The following AMZ1 variants were observed in gnomAD, a reference collection of about 807,000 sequenced individuals.
The protein encoded by AMZ1 is archaelysin family metallopeptidase 1.
AMZ1 carries 39 observed loss-of-function variants against 29.9 expected under a neutral mutation model. The ratio of observed to expected loss-of-function variants is 1.30; its 90% CI spans 1.01 to 1.70. The LOEUF (loss-of-function observed/expected upper bound fraction) is 1.70. Among genes scored for constraint, AMZ1 ranks in the 40% most tolerant of loss-of-function variants. The pLI is 0.00. For synonymous variants in AMZ1, 458 were observed against 304.0 expected (o/e 1.51, Z -5.27); for missense variants, 1,041 against 680.6 (o/e 1.53, Z -5.89).
At chr7:2,720,783 C>G (rs1402082902), downstream of AMZ1, among the ~76,000 whole-genome samples, 3 of 152,188 alleles carry the variant, frequency 2.0e-5, no homozygotes, top group Non-Finnish European at 2.9e-5. Flanking sequence ...TCAAGCGACT[C>G]TCCTGCCTCA....
upstream of AMZ1, among the ~76,000 whole-genome samples, chr7:2,683,794 TG>T (rs1786972650): frequency 6.6e-6 from 1 of 152,008 alleles, no homozygotes; most frequent in Non-Finnish European, 1.5e-5. Flanking sequence ...CTCCAACTCC[TG>T]GGCTCAAGTG....
Position 2,749,212 on chromosome 7 carries a change from G to A in AMZ1, n.551-15500G>A, listed in dbSNP as rs933468340. Among the ~76,000 whole-genome samples the A allele has an allele frequency of 5.9e-5, 9 of 152,050 alleles. 1 individual carries two copies. Among genetic ancestry groups the A allele is most frequent in the Admixed American group, 4.6e-4 (7 of 15,274 alleles). On this transcript the variant is annotated intron_variant and non_coding_transcript_variant, in intron 4 of 4. Coordinates refer to the AMZ1 transcript ENST00000489665. Reference sequence around the variant, plus strand: ...TGCTGCTATAAAGACACATGCACACGTGTGTTTATTGCGGCACTATTCACA... The same window carrying A: ...TGCTGCTATAAAGACACATGCACACATGTGTTTATTGCGGCACTATTCACA...
intron 4 of AMZ1, among the ~76,000 whole-genome samples, chr7:2,734,076 G>A (rs139519464): frequency 3.9e-5 from 6 of 152,330 alleles, no homozygotes; most frequent in Middle Eastern, 3.4e-3. Context: ...TTGGATTGTT[G>A]TGGTGGAATG....
chr7:2,748,837 A>C (rs550953394), intron 4 of AMZ1, among the ~76,000 whole-genome samples: 2 of 152,214 alleles, frequency 1.3e-5, no homozygotes, highest in Non-Finnish European at 2.9e-5. Context: ...AACCCCATCA[A>C]AAAGTGGGCA....
chr7:2,710,891 G>A (rs775103224), intron 6 of AMZ1, among the ~76,000 whole-genome samples: 46 of 152,350 alleles, frequency 3.0e-4, no homozygotes, highest in South Asian at 8.3e-4. Context: ...GCTGTGCCCC[G>A]TCAAGGGGCA....
In AMZ1 at chr7:2,718,774, G is replaced by A. The variant is rs147879804; in HGVS notation, c.*5896G>A. Among the ~76,000 whole-genome samples, 54 of 152,304 alleles carry A rather than the reference G, an allele frequency of 3.5e-4. 2 individuals carry two copies. The East Asian group carries it at 6.0e-3, about 17-fold the overall frequency. ...AGGGAGAAGCGGGCAGGCCAGGGCC[G>A]AGCTGCGTCCGGCTCTCAGGGACTT... On this transcript the variant is annotated 3_prime_UTR_variant, in exon 7 of 7. Coordinates refer to ENST00000683327, the MANE Select transcript of AMZ1 (RefSeq NM_001384743.1).
chr7:2,723,140 A>C (rs1789490349), downstream of AMZ1, among the ~76,000 whole-genome samples: 1 of 152,184 alleles, frequency 6.6e-6, no homozygotes, highest in South Asian at 2.1e-4. Context: ...AAAGAAGAAA[A>C]AAAAATTGAA....
chr7:2,755,151 C>A (rs978569252), intron 4 of AMZ1, among the ~76,000 whole-genome samples: 1 of 152,320 alleles, frequency 6.6e-6, no homozygotes, highest in Middle Eastern at 3.4e-3. Flanking sequence ...CAGCACCACA[C>A]AGGCCTGACC....
Position 2,712,870 on chromosome 7 carries a change from G to A in AMZ1, c.1489G>A (p.Glu497Lys). Residue 497 changes from glutamate to lysine, a missense_variant, in exon 7 of 7, where the codon GAG (glutamate) becomes AAG (lysine). Coordinates refer to ENST00000683327, the MANE Select transcript of AMZ1 (RefSeq NM_001384743.1). ...GGCCCCCCGTCCCTGGGATGGGGAA[G>A]AGAGTTAGTACAGCAGGGGCTGCCC... ...ESAPRPWDGE[E>K]S is the part of the protein sequence containing the mutation. 1.3e-6 allele frequency: 2 copies of A among 1,523,282 alleles called. No individual in the cohort carries two copies. The highest frequency in any genetic ancestry group is 2.6e-5 in the South Asian group (2 of 76,518). 94.4% of individuals were successfully genotyped at this position (1,523,282 alleles called of 1,614,324 possible).
downstream of AMZ1, among the ~76,000 whole-genome samples, chr7:2,723,917 ATTT>A (rs746517805): frequency 6.6e-6 from 1 of 151,590 alleles, no homozygotes; most frequent in African/African-American, 2.4e-5. Context: ...TTCTGGCCAG[ATTT>A]TTTTTTGAGA....
At position 2,732,000 on chromosome 7, in the gene AMZ1, G is replaced by T. The variant is rs1487122171; in HGVS notation, n.550+22184G>T. On this transcript the variant is annotated intron_variant and non_coding_transcript_variant, in intron 4 of 4. Coordinates refer to the AMZ1 transcript ENST00000489665. This position sits in a 1 kb window ranked among gnomAD's most constrained non-coding sequence, Gnocchi z 6.0. Reference sequence around the variant, plus strand: ...CGAATGCTCAGAACACTCGTGGGCAGGCCCAGCGCAAAACCACATCCATTT... The same window carrying T: ...CGAATGCTCAGAACACTCGTGGGCATGCCCAGCGCAAAACCACATCCATTT... Among the ~76,000 whole-genome samples the T allele has an allele frequency of 6.6e-6, 1 of 152,180 alleles. No individual in the cohort carries two copies. Among genetic ancestry groups the T allele is most frequent in the Non-Finnish European group, 1.5e-5 (1 of 68,032 alleles).
chr7:2,737,308 A>G (rs1270438610), intron 4 of AMZ1, among the ~76,000 whole-genome samples: 1 of 49,396 alleles, frequency 2.0e-5, no homozygotes, highest in Non-Finnish European at 3.3e-5. Flanking sequence ...TTTTTTTTTG[A>G]GATGGAGTCT....
chr7:2,726,151 C>T (rs1164167458), intron 4 of AMZ1, among the ~76,000 whole-genome samples: 1 of 152,208 alleles, frequency 6.6e-6, no homozygotes, highest in East Asian at 1.9e-4. Context: ...AGAAATGGCA[C>T]TACCAGATTT....
intron 4 of AMZ1, among the ~76,000 whole-genome samples, chr7:2,752,188 T>A (rs1322366864): frequency 1.3e-5 from 2 of 151,992 alleles, no homozygotes; most frequent in Admixed American, 1.3e-4. Flanking sequence ...AAAATACGAA[T>A]GTTTCAATAG....
chr7:2,746,293 T>C (rs563971747), intron 4 of AMZ1, among the ~76,000 whole-genome samples: 5 of 152,176 alleles, frequency 3.3e-5, no homozygotes, highest in African/African-American at 1.2e-4. Flanking sequence ...CCTCAGCAAA[T>C]GTAAAAGAAC....
In AMZ1 at chr7:2,712,335, C is replaced by G. The variant is rs758601980; in HGVS notation, c.954C>G (p.Leu318=). 1.3e-6 allele frequency: 2 copies of G among 1,583,736 alleles called. No homozygotes were observed. The highest frequency in any genetic ancestry group is 1.7e-6 in the Non-Finnish European group (2 of 1,164,380). ...CCTGTGTTTCTCCCTCTTAGAGACT[C>G]TACACCTGGACTCAGGCGGTGGTGG... The part of the protein sequence containing the change: ...GFRLIERYQR[L]YTWTQAVVGT... Residue 318 remains leucine (L), a synonymous_variant, in exon 7 of 7, where the codon CTC becomes CTG. Transcript: ENST00000683327.
At chr7:2,762,837 C>T (rs772109322), upstream of AMZ1, 4 of 1,493,680 alleles carry the variant, frequency 2.7e-6, no homozygotes, top group Non-Finnish European at 3.6e-6. Context: ...ACCCAGTCAG[C>T]GCGGCTCCGA....
upstream of AMZ1, among the ~76,000 whole-genome samples, chr7:2,764,006 T>C (rs920819273): frequency 4.6e-5 from 7 of 152,206 alleles, no homozygotes; most frequent in African/African-American, 1.7e-4. Flanking sequence ...AAGTGAGGCT[T>C]GCCTATACTT....
In AMZ1 at chr7:2,702,717, A is replaced by G; in HGVS notation, c.305-5A>G. ...GCAGGGCTGACGGTGCTGCTCTCCC[A>G]CCAGACCTGAGCGAGGAGCCGGTGG... On this transcript the variant is annotated splice_region_variant and splice_polypyrimidine_tract_variant and intron_variant, in intron 2 of 6. Coordinates refer to ENST00000683327, the MANE Select transcript of AMZ1 (RefSeq NM_001384743.1). The G allele has an allele frequency of 6.5e-7, 1 of 1,531,446 alleles. No individual in the cohort carries two copies. Among genetic ancestry groups the G allele is most frequent in the Non-Finnish European group, 8.8e-7 (1 of 1,141,476 alleles). The allele number at this position is 1,531,446 out of a possible 1,614,324, so 94.9% of individuals were successfully genotyped here. A position where few individuals can be genotyped will look rare whatever the true frequency, so the allele number is the denominator to read the frequency against.
Sources: gnomAD v4.1 joint callset for allele counts (sites outside exome capture counted in the v4.1 genomes callset) on GRCh38, gnomAD v4.1.1 for gene constraint, Gnocchi (gnomAD v3.1) non-coding constraint, MANE v1.5 for transcripts, NCBI Gene and HGNC (gene_info 2026-07-23, HGNC 2026-07-21) for gene names.